Variants in EFCAB5 observed in about 807,000 individuals in gnomAD.
EFCAB5 encodes EF-hand calcium-binding domain-containing protein 5.
A neutral mutation model predicts 167.9 loss-of-function variants in EFCAB5; 131 were observed. The observed-to-expected ratio is 0.78, with a 90% CI of 0.68 to 0.90. The LOEUF is 0.90. EFCAB5 is among the 40% of genes least tolerant of loss of function. The pLI is 0.00. For missense variants in EFCAB5, 1,663 were observed against 1,745.2 expected (o/e 0.95, Z 0.84); for synonymous variants, 574 against 602.8 (o/e 0.95, Z 0.70).
intron 14 of EFCAB5, among the ~76,000 whole-genome samples, chr17:30,070,759 G>A (rs1264318953): frequency 6.6e-6 from 1 of 151,942 alleles, no homozygotes; most frequent in Non-Finnish European, 1.5e-5. Flanking sequence ...AGACCAGCCT[G>A]GCCAACATGG....
upstream of EFCAB5, among the ~76,000 whole-genome samples, chr17:29,937,807 G>A (rs1432578168): frequency 1.3e-5 from 2 of 152,110 alleles, no homozygotes; most frequent in Non-Finnish European, 2.9e-5. Flanking sequence ...GACTCCATCT[G>A]GCCACCGCAA....
intron 7 of EFCAB5, among the ~76,000 whole-genome samples, chr17:30,012,707 G>T (rs937844950): frequency 6.6e-6 from 1 of 152,144 alleles, no homozygotes; most frequent in Non-Finnish European, 1.5e-5. Context: ...TCTTTGTCTT[G>T]TGTCTTTATT....
chr17:30,020,333 T>C (rs1199896822), intron 7 of EFCAB5, among the ~76,000 whole-genome samples: 1 of 151,982 alleles, frequency 6.6e-6, no homozygotes, highest in Non-Finnish European at 1.5e-5. Flanking sequence ...TTAGTTTAAG[T>C]TGGATTTTAC....
chr17:29,989,328 G>A (rs1434055122), intron 4 of EFCAB5, among the ~76,000 whole-genome samples: 1 of 152,184 alleles, frequency 6.6e-6, no homozygotes, highest in Admixed American at 6.5e-5. Context: ...TCCATATAAT[G>A]AATAATGTAA....
chr17:30,082,555 T>C (rs1393616765), intron 17 of EFCAB5, among the ~76,000 whole-genome samples: 1 of 152,108 alleles, frequency 6.6e-6, no homozygotes, highest in Non-Finnish European at 1.5e-5. Flanking sequence ...CATGCCCAGC[T>C]AATATTTGTA....
intron 14 of EFCAB5, chr17:30,073,099 A>G (rs1333968090): frequency 1.2e-5 from 8 of 678,296 alleles, no homozygotes; most frequent in Middle Eastern, 4.7e-4. Context: ...CTCTGTCGCC[A>G]GGCTGGAGTG....
At chr17:30,080,552 T>G (rs1567765154) in intron 16 of EFCAB5, among the ~76,000 whole-genome samples, 2 of 34,734 alleles carry the variant, frequency 5.8e-5, no homozygotes, top group South Asian at 6.7e-4. Context: ...CCAAGCTTGT[T>G]TTTTTTTTTT....
At chr17:29,944,032 T>C (rs1185156870) in intron 3 of EFCAB5, among the ~76,000 whole-genome samples, 1 of 152,138 alleles carries the variant, frequency 6.6e-6, no homozygotes, top group Non-Finnish European at 1.5e-5. Flanking sequence ...GGGGATGCGT[T>C]CTTCAAGATT....
At chr17:30,085,903 C>T (rs2071080912) in intron 18 of EFCAB5, among the ~76,000 whole-genome samples, 1 of 152,174 alleles carries the variant, frequency 6.6e-6, no homozygotes, top group African/African-American at 2.4e-5. Flanking sequence ...TTTCACATTA[C>T]AAAACAGCTG....
chr17:30,053,878 T>A lies in EFCAB5; in HGVS notation c.1924T>A (p.Ser642Thr). The change falls in exon 10 of 23, where the codon TCA (serine) becomes ACA (threonine). Residue 642 changes from serine (S) to threonine (T), a missense_variant. Coordinates refer to ENST00000394835, the MANE Select transcript of EFCAB5 (RefSeq NM_198529.4). Reference sequence around the variant, plus strand: ...TGCAGAACAGGGATCACTCAGAGAGTCAGTAATAGAAGAACCATACCAAAA... The same window carrying A: ...TGCAGAACAGGGATCACTCAGAGAGACAGTAATAGAAGAACCATACCAAAA... ...SAAEQGSLRE[S>T]VIEEPYQKSE... 6.2e-7 allele frequency: 1 copy of A among 1,613,632 alleles called. No homozygotes were observed. Among genetic ancestry groups the A allele is most frequent in the Non-Finnish European group, 8.5e-7 (1 of 1,179,816 alleles).
At chr17:29,953,228 A>G (rs918594730) in intron 3 of EFCAB5, among the ~76,000 whole-genome samples, 1 of 152,200 alleles carries the variant, frequency 6.6e-6, no homozygotes, top group South Asian at 2.1e-4. Context: ...TAGCATTCCT[A>G]TACACCAACA....
At chr17:29,995,565 T>C (rs774785474) in intron 5 of EFCAB5, among the ~76,000 whole-genome samples, 7 of 152,228 alleles carry the variant, frequency 4.6e-5, no homozygotes, top group Non-Finnish European at 1.0e-4. Flanking sequence ...AAATTTCCAT[T>C]TGAAGCTCTG....
chr17:29,985,685 CT>C (rs1221974836), intron 4 of EFCAB5, among the ~76,000 whole-genome samples: 3 of 152,212 alleles, frequency 2.0e-5, no homozygotes, highest in Admixed American at 2.0e-4. Flanking sequence ...GCACAGATCG[CT>C]TATGCTATTG....
intron 17 of EFCAB5, among the ~76,000 whole-genome samples, chr17:30,081,411 T>C (rs529658078): frequency 6.6e-6 from 1 of 152,296 alleles, no homozygotes; most frequent in Admixed American, 6.5e-5. Context: ...TTGATTTCAG[T>C]GTTATAATTT....
At chr17:29,974,803 G>A (rs991077342) in intron 4 of EFCAB5, among the ~76,000 whole-genome samples, 1 of 152,108 alleles carries the variant, frequency 6.6e-6, no homozygotes, top group African/African-American at 2.4e-5. Context: ...AGAGAGCATG[G>A]CTGTGTTCCA....
chr17:30,069,828 G>A (rs1335552526), intron 14 of EFCAB5, among the ~76,000 whole-genome samples: 1 of 152,236 alleles, frequency 6.6e-6, no homozygotes, highest in Non-Finnish European at 1.5e-5. Context: ...CAGGCCGATA[G>A]TGTTCAGCCC....
intron 22 of EFCAB5, among the ~76,000 whole-genome samples, chr17:30,093,213 A>T (rs2151850761): frequency 6.6e-6 from 1 of 152,370 alleles, no homozygotes; most frequent in South Asian, 2.1e-4. Flanking sequence ...CTGCAATGAG[A>T]ATGGAAATTT....
intron 3 of EFCAB5, among the ~76,000 whole-genome samples, chr17:29,944,419 T>C (rs2067354865): frequency 6.6e-6 from 1 of 152,144 alleles, no homozygotes; most frequent in South Asian, 2.1e-4. Flanking sequence ...ATTCACCTTC[T>C]ATTAATGCTT....
chr17:29,994,176 A>ATATATATATATG (rs1491374562), intron 5 of EFCAB5, among the ~76,000 whole-genome samples: 1 of 120,794 alleles, frequency 8.3e-6, no homozygotes, highest in African/African-American at 3.2e-5. Context: ...ATATATATAT[A>ATATATATATATG]TGTGATATAT....
Sources: allele counts gnomAD v4.1 joint callset (sites outside exome capture counted in the v4.1 genomes callset), GRCh38; gene constraint gnomAD v4.1.1; transcripts MANE v1.5; gene names NCBI Gene and HGNC (gene_info 2026-07-23, HGNC 2026-07-21).